Variants in COLEC12 observed in about 807,000 individuals in gnomAD.
COLEC12 encodes collectin-12.
COLEC12 carries 33 observed loss-of-function variants against 71.1 expected under a neutral mutation model. That is an observed-to-expected ratio of 0.46 (90% CI 0.35 to 0.62). COLEC12 has a LOEUF of 0.62. Ranked by LOEUF, COLEC12 falls within the 20% of genes least tolerant of loss-of-function variation. The pLI is 0.00. For missense variants in COLEC12, 765 were observed against 916.1 expected (o/e 0.84, Z 2.13); for synonymous variants, 350 against 353.0 (o/e 0.99, Z 0.10).
chr18:458,474 C>T (rs569488973), intron 2 of COLEC12, among the ~76,000 whole-genome samples: 6 of 152,332 alleles, frequency 3.9e-5, no homozygotes, highest in Admixed American at 2.6e-4. Context: ...TGCACCTGAA[C>T]GATCCAGGTT....
At chr18:483,503 A>G (rs987631962) in intron 1 of COLEC12, among the ~76,000 whole-genome samples, 3 of 152,184 alleles carry the variant, frequency 2.0e-5, no homozygotes, top group African/African-American at 7.2e-5. Flanking sequence ...TATTCTGCAG[A>G]AAGGGAAGAG....
chr18:462,270 CT>C (rs1484403557), intron 2 of COLEC12, among the ~76,000 whole-genome samples: 29 of 152,186 alleles, frequency 1.9e-4, no homozygotes, highest in Admixed American at 1.6e-3. Context: ...AAAGTAGAAA[CT>C]ACCCAAATGC....
At chr18:353,420 G>A (rs1914564998) in intron 3 of COLEC12, among the ~76,000 whole-genome samples, 1 of 152,182 alleles carries the variant, frequency 6.6e-6, no homozygotes, top group African/African-American at 2.4e-5. Context: ...GGGATACCAG[G>A]CTGGAAGGTT....
rs1023418411 is a variant in COLEC12 at position 405,284 on chromosome 18, C to T, written c.59-47762G>A. 2.6e-5 allele frequency among the ~76,000 whole-genome samples: 4 copies of T among 152,298 alleles called. No homozygotes were observed. In the East Asian group the frequency reaches 5.8e-4, roughly 22 times the overall value. On this transcript the variant is annotated intron_variant, in intron 2 of 9. Transcript: ENST00000400256. ...ACCCTTATGAATAGTTCTGCTTTTG[C>T]CCTTTGTCCTGTTCCCTCAGAAGCA...
At chr18:493,632 T>C (rs888657896) in intron 1 of COLEC12, among the ~76,000 whole-genome samples, 1 of 152,230 alleles carries the variant, frequency 6.6e-6, no homozygotes, top group African/African-American at 2.4e-5. Context: ...AGAAGCTATA[T>C]TTTATTCATT....
chr18:454,546 G>A (rs934018975), intron 2 of COLEC12, among the ~76,000 whole-genome samples: 72 of 152,318 alleles, frequency 4.7e-4, no homozygotes, highest in African/African-American at 1.7e-3. Context: ...GCTGGATGTG[G>A]TGGCAGGCGC....
At chr18:459,905 T>C (rs1244110660) in intron 2 of COLEC12, among the ~76,000 whole-genome samples, 1 of 152,216 alleles carries the variant, frequency 6.6e-6, no homozygotes, top group African/African-American at 2.4e-5. Context: ...CTTAATTATC[T>C]TGTTTTCCAG....
rs569954986 is a variant in COLEC12 at position 357,625 on chromosome 18, C to T, written c.59-103G>A. On this transcript the variant is annotated intron_variant, in intron 2 of 9. Coordinates refer to ENST00000400256, the MANE Select transcript of COLEC12 (RefSeq NM_130386.3). ...ATATTGGGACTAAGAATAATTTTTA[C>T]AAATGCCTTACTATACTATGAGAAC... The T allele has an allele frequency of 4.4e-6, 4 of 917,590 alleles. No individual in the cohort carries two copies. In the East Asian group the frequency reaches 7.7e-5, roughly 18 times the overall value. 56.8% of individuals were successfully genotyped at this position (917,590 alleles called of 1,614,324 possible).
chr18:370,227 T>C (rs1165416812), intron 2 of COLEC12, among the ~76,000 whole-genome samples: 1 of 152,192 alleles, frequency 6.6e-6, no homozygotes, highest in Non-Finnish European at 1.5e-5. Context: ...ACACCAGCTC[T>C]GGAAACAAGT....
chr18:441,297 T>C (rs1338846851), intron 2 of COLEC12, among the ~76,000 whole-genome samples: 1 of 152,112 alleles, frequency 6.6e-6, no homozygotes, highest in East Asian at 1.9e-4. Flanking sequence ...CTATACGGAC[T>C]GTACGTCTTC....
intron 2 of COLEC12, among the ~76,000 whole-genome samples, chr18:411,389 C>T (rs1915891082): frequency 6.6e-6 from 1 of 152,020 alleles, no homozygotes; most frequent in African/African-American, 2.4e-5. Flanking sequence ...GATGCCAAGA[C>T]TGAGATGATA....
At chr18:437,759 T>G (rs926277059) in intron 2 of COLEC12, among the ~76,000 whole-genome samples, 1 of 152,234 alleles carries the variant, frequency 6.6e-6, no homozygotes, top group South Asian at 2.1e-4. Flanking sequence ...GACAATAGGT[T>G]GCGTTAAGTG....
At chr18:465,090 A>C (rs1238621299) in intron 2 of COLEC12, among the ~76,000 whole-genome samples, 2 of 152,240 alleles carry the variant, frequency 1.3e-5, no homozygotes, top group East Asian at 3.9e-4. Context: ...AACAGACTTA[A>C]ACAAAATTGT....
In COLEC12 at chr18:399,280, T is replaced by C. The variant is rs1249609094; in HGVS notation, c.59-41758A>G. Among the ~76,000 whole-genome samples the C allele has an allele frequency of 1.3e-5, 2 of 152,260 alleles. No homozygotes were observed. Among genetic ancestry groups the C allele is most frequent in the Non-Finnish European group, 2.9e-5 (2 of 68,044 alleles). ...ATTGATGGAATGAACTTCAGACTAC[T>C]GGAATGGGCACCACCAGCACCACAG... On this transcript the variant is annotated intron_variant, in intron 2 of 9. Transcript: ENST00000400256. This position sits in a 1 kb window ranked among gnomAD's most constrained non-coding sequence, Gnocchi z 4.0.
At chr18:375,476 C>T (rs2033444677) in intron 2 of COLEC12, among the ~76,000 whole-genome samples, 1 of 152,166 alleles carries the variant, frequency 6.6e-6, no homozygotes, top group Non-Finnish European at 1.5e-5. Context: ...CTCCATCTCC[C>T]TTTCTTGTTT....
chr18:470,220 A>ATTTTTTTTT lies in COLEC12; in HGVS notation c.58+10478_58+10486dup, dbSNP rs71174234. ...TAGGTGGATCACTTGAGGCCAGGAA[A>ATTTTTTTTT]TTTTTTTTTTTTTTTTTTTTTTTTT... On this transcript the variant is annotated intron_variant, in intron 2 of 9. Transcript: ENST00000400256. Among the ~76,000 whole-genome samples, 49 of 92,378 alleles carry ATTTTTTTTT rather than the reference A, an allele frequency of 5.3e-4. 2 individuals are homozygous for ATTTTTTTTT. The highest frequency in any genetic ancestry group is 1.9e-3 in the African/African-American group (43 of 22,838). The allele number at this position is 92,378 out of a possible 152,430, so 60.6% of individuals were successfully genotyped here. A position where few individuals can be genotyped will look rare whatever the true frequency, so the allele number is the denominator to read the frequency against.
intron 2 of COLEC12, among the ~76,000 whole-genome samples, chr18:366,123 T>A (rs193185454): frequency 1.3e-5 from 2 of 152,304 alleles, no homozygotes; most frequent in East Asian, 3.9e-4. Context: ...AAAATCTATC[T>A]CTGCCTTCTG....
At position 447,569 on chromosome 18, in the gene COLEC12, G is replaced by A. The variant is rs922768043; in HGVS notation, c.58+33138C>T. 2.6e-5 allele frequency among the ~76,000 whole-genome samples: 4 copies of A among 152,160 alleles called. No homozygotes were observed. In the East Asian group the frequency reaches 7.7e-4, roughly 29 times the overall value. ...CCATACAGGCACTCCAGGAAAAACA[G>A]CAATCCATAACCTGTGTGTGCTGAG... On this transcript the variant is annotated intron_variant, in intron 2 of 9. Coordinates refer to ENST00000400256, the MANE Select transcript of COLEC12 (RefSeq NM_130386.3).
chr18:419,823 G>A (rs1916061798), intron 2 of COLEC12, among the ~76,000 whole-genome samples: 1 of 152,170 alleles, frequency 6.6e-6, no homozygotes, highest in Non-Finnish European at 1.5e-5. Context: ...TGGGTTGGTG[G>A]GGGTGATCTC....
Sources: allele counts gnomAD v4.1 joint callset (sites outside exome capture counted in the v4.1 genomes callset), GRCh38; gene constraint gnomAD v4.1.1; non-coding constraint Gnocchi (gnomAD v3.1); transcripts MANE v1.5; gene names NCBI Gene and HGNC (gene_info 2026-07-23, HGNC 2026-07-21).